Variants in ZNF438 observed in about 807,000 individuals in gnomAD.
ZNF438 encodes the protein zinc finger protein 438.
In ZNF438, 25 loss-of-function variants were observed where a neutral mutation model predicts 38.0. The ratio of observed to expected loss-of-function variants is 0.66; its 90% CI spans 0.48 to 0.92. ZNF438 has a LOEUF of 0.92. Ranked by LOEUF, ZNF438 falls within the 40% of genes least tolerant of loss-of-function variation. The pLI, the probability that ZNF438 is intolerant of heterozygous loss-of-function variation, is 0.00. For synonymous variants in ZNF438, 372 were observed against 364.1 expected, an observed-to-expected ratio of 1.02 and a Z score of -0.25; for missense variants, 1,007 against 999.6, an observed-to-expected ratio of 1.01 and a Z score of -0.10.
At chr10:30,917,202 CA>C (rs1468550244) in intron 2 of ZNF438, among the ~76,000 whole-genome samples, 2 of 152,072 alleles carry the variant, frequency 1.3e-5, no homozygotes, top group Non-Finnish European at 2.9e-5. Flanking sequence ...GCCAGTGTTT[CA>C]TTTTATGAAT....
chr10:30,935,758 G>A (rs974063147), intron 2 of ZNF438, among the ~76,000 whole-genome samples: 3 of 152,192 alleles, frequency 2.0e-5, no homozygotes, highest in Non-Finnish European at 4.4e-5. Flanking sequence ...AAGCAGGCAC[G>A]TCTTACATGG....
In ZNF438 at chr10:30,964,187, G is replaced by A. The variant is rs558863689; in HGVS notation, c.-191-22536C>T. 1.4e-4 allele frequency among the ~76,000 whole-genome samples: 21 copies of A among 152,224 alleles called. No individual in the cohort carries two copies. In the South Asian group the frequency reaches 3.5e-3, roughly 26 times the overall value. ...TTTAGTTGTTTCTTCATTGCTGCTCGGCACAGGAAGTGTGATAACTGTCAC... is the reference window on the plus strand; with the variant it reads ...TTTAGTTGTTTCTTCATTGCTGCTCAGCACAGGAAGTGTGATAACTGTCAC... On this transcript the variant is annotated intron_variant, in intron 1 of 5. Transcript: ENST00000413025.
At chr10:30,927,893 T>A (rs2045149780) in intron 2 of ZNF438, among the ~76,000 whole-genome samples, 1 of 151,868 alleles carries the variant, frequency 6.6e-6, no homozygotes, top group Non-Finnish European at 1.5e-5. Context: ...AGTACAGAAA[T>A]TCTCTACAAA....
chr10:30,891,532 A>G (rs956602047), intron 3 of ZNF438, among the ~76,000 whole-genome samples: 1 of 152,170 alleles, frequency 6.6e-6, no homozygotes, highest in Non-Finnish European at 1.5e-5. Context: ...CTCTTAAAAT[A>G]ATTTAACAAA....
intron 4 of ZNF438, among the ~76,000 whole-genome samples, chr10:30,876,413 G>A (rs540887936): frequency 6.6e-6 from 1 of 152,068 alleles, no homozygotes. Flanking sequence ...GATGAAGAAA[G>A]GACTCTACCT....
At chr10:30,968,122 C>T (rs902220964) in intron 1 of ZNF438, among the ~76,000 whole-genome samples, 16 of 152,130 alleles carry the variant, frequency 1.1e-4, no homozygotes, top group Non-Finnish European at 2.2e-4. Context: ...TGTACTATAT[C>T]ACTGCCTTAC....
intron 1 of ZNF438, among the ~76,000 whole-genome samples, chr10:31,026,580 G>C (rs2934628): frequency 0.12 from 18,610 of 152,216 alleles, 1,513 homozygotes; most frequent in Middle Eastern, 0.24. Flanking sequence ...TCATTAAAAA[G>C]TCAGGAAACA....
chr10:30,940,801 A>G (rs1222721824), intron 2 of ZNF438, among the ~76,000 whole-genome samples: 1 of 152,238 alleles, frequency 6.6e-6, no homozygotes, highest in African/African-American at 2.4e-5. Context: ...GACCTTTCAA[A>G]GATTTTTTAC....
intron 1 of ZNF438, among the ~76,000 whole-genome samples, chr10:30,982,001 C>T (rs1418117687): frequency 6.6e-6 from 1 of 151,862 alleles, no homozygotes; most frequent in East Asian, 1.9e-4. Context: ...TCTTCTAGCA[C>T]AGAATAATAA....
chr10:30,849,587 G>A lies in ZNF438; in HGVS notation c.818C>T (p.Ser273Leu), dbSNP rs147071217. The A allele has an allele frequency of 9.3e-6, 15 of 1,614,098 alleles. No individual in the cohort carries two copies. The highest frequency in any genetic ancestry group is 1.2e-5 in the Non-Finnish European group (14 of 1,180,050). Residue 273 changes from serine to leucine, a missense_variant, in exon 5 of 6, where the codon TCA becomes TTA. Coordinates refer to ENST00000413025, the Ensembl canonical transcript of ZNF438. ...AACTGCATTGCCAAGAATGGTTGGT[G>A]ATAAATTGGTCATGGTTTTTGCAAG... is the stretch of plus-strand genomic sequence containing the variant.
intron 4 of ZNF438, among the ~76,000 whole-genome samples, chr10:30,857,444 G>A (rs2034850291): frequency 6.6e-6 from 1 of 151,288 alleles, no homozygotes; most frequent in Non-Finnish European, 1.5e-5. Context: ...TAGTAGAGGC[G>A]GGGTTTCACC....
At chr10:30,855,699 TAATACCACGC>T (rs1021229689) in intron 4 of ZNF438, among the ~76,000 whole-genome samples, 1 of 152,184 alleles carries the variant, frequency 6.6e-6, no homozygotes, top group Admixed American at 6.5e-5. Flanking sequence ...CCATACAATG[TAATACCACGC>T]AGTAATAAAA....
At chr10:30,891,939 C>A (rs1475513963) in intron 3 of ZNF438, among the ~76,000 whole-genome samples, 1 of 152,102 alleles carries the variant, frequency 6.6e-6, no homozygotes, top group East Asian at 1.9e-4. Flanking sequence ...ACCAACACAA[C>A]AAAGATGAAC....
chr10:31,004,899 A>T (rs939138506), intron 1 of ZNF438, among the ~76,000 whole-genome samples: 5 of 152,244 alleles, frequency 3.3e-5, no homozygotes, highest in Non-Finnish European at 5.9e-5. Context: ...ATAATAACAT[A>T]GCCTATTTCT....
intron 4 of ZNF438, among the ~76,000 whole-genome samples, chr10:30,860,980 A>G (rs767705917): frequency 3.3e-5 from 5 of 152,216 alleles, no homozygotes; most frequent in Non-Finnish European, 5.9e-5. Flanking sequence ...ATAAATTATT[A>G]TAAGTTTTAA....
chr10:31,021,418 G>A (rs907150991), intron 1 of ZNF438, among the ~76,000 whole-genome samples: 5 of 152,084 alleles, frequency 3.3e-5, no homozygotes, highest in Non-Finnish European at 7.4e-5. Context: ...TACTGAAAAA[G>A]AAAAATATTC....
At chr10:30,858,657 G>A (rs1181277031) in intron 4 of ZNF438, among the ~76,000 whole-genome samples, 1 of 152,204 alleles carries the variant, frequency 6.6e-6, no homozygotes, top group Non-Finnish European at 1.5e-5. Flanking sequence ...ACCTCCTAGA[G>A]TCATCATGTC....
At position 30,848,492 on chromosome 10, in the gene ZNF438, C is replaced by A. The variant is rs762598170; in HGVS notation, c.1874+39G>T. The A allele has an allele frequency of 1.2e-5, 19 of 1,564,768 alleles. No individual in the cohort carries two copies. The South Asian group carries it at 2.0e-4, about 17-fold the overall frequency. ...TCTTCCCCTCTTCCCCAAATCAAAA[C>A]AGACTCTCTTGCCAGGTCTCCATTA... On this transcript the variant is annotated intron_variant, in intron 5 of 5. Transcript: ENST00000413025.
chr10:30,913,684 C>A (rs1469088708), intron 2 of ZNF438, among the ~76,000 whole-genome samples: 1 of 151,866 alleles, frequency 6.6e-6, no homozygotes, highest in African/African-American at 2.4e-5. Flanking sequence ...AGCACAGGCA[C>A]AAGGGGAAGA....
Sources: gnomAD v4.1 joint callset for allele counts (sites outside exome capture counted in the v4.1 genomes callset) on GRCh38, gnomAD v4.1.1 for gene constraint, MANE v1.5 for transcripts, NCBI Gene and HGNC (gene_info 2026-07-23, HGNC 2026-07-21) for gene names.